EXOC4: variants seen among roughly 807,000 people sequenced by gnomAD.
EXOC4 encodes the protein exocyst complex component 4, also known as SEC8-like 1.
In EXOC4, 71 loss-of-function variants were observed where a neutral mutation model predicts 107.2. That is an observed-to-expected ratio of 0.66 (90% CI 0.55 to 0.81). The LOEUF is 0.81. EXOC4 is among the 30% of genes least tolerant of loss of function. The pLI, the probability that EXOC4 is intolerant of heterozygous loss-of-function variation, is 0.00. For missense variants in EXOC4, 1,108 were observed against 1,189.6 expected, an observed-to-expected ratio of 0.93 and a Z score of 1.01; for synonymous variants, 456 against 441.2, an observed-to-expected ratio of 1.03 and a Z score of -0.42.
At chr7:134,076,517 CAA>C in the EXOC4 span, among the ~76,000 whole-genome samples, 1 of 148,984 alleles carries the variant, frequency 6.7e-6, no homozygotes, top group Non-Finnish European at 1.5e-5. Context: ...GACTCTGTCT[CAA>C]AAAAAAAGAC....
chr7:133,885,532 G>C (rs959716227), intron 11 of EXOC4, among the ~76,000 whole-genome samples: 1 of 152,178 alleles, frequency 6.6e-6, no homozygotes, highest in South Asian at 2.1e-4. Context: ...CACAGTCACT[G>C]ATCAACAGGA....
chr7:133,807,680 A>G (rs1207631094), intron 10 of EXOC4, among the ~76,000 whole-genome samples: 1 of 152,214 alleles, frequency 6.6e-6, no homozygotes, highest in Non-Finnish European at 1.5e-5. Flanking sequence ...TTGGAAAAGC[A>G]GGATTATTAT....
At chr7:133,734,700 T>G (rs187619444) in intron 10 of EXOC4, among the ~76,000 whole-genome samples, 1 of 152,070 alleles carries the variant, frequency 6.6e-6, no homozygotes, top group Admixed American at 6.6e-5. Flanking sequence ...AAATGCTCAT[T>G]TGGAGTATTT....
intron 3 of EXOC4, among the ~76,000 whole-genome samples, chr7:133,304,241 A>G (rs955576051): frequency 7.4e-4 from 112 of 152,236 alleles, no homozygotes; most frequent in African/African-American, 2.5e-3. Context: ...TTTCTCTGCT[A>G]GAGACCTGAG....
intron 7 of EXOC4, among the ~76,000 whole-genome samples, chr7:133,378,036 C>T (rs932930532): frequency 7.9e-5 from 12 of 151,792 alleles, no homozygotes; most frequent in Admixed American, 2.6e-4. Context: ...TTCAGCCATG[C>T]GCGATGGCTC....
chr7:133,720,345 G>A (rs1795081925), intron 10 of EXOC4, among the ~76,000 whole-genome samples: 1 of 152,120 alleles, frequency 6.6e-6, no homozygotes, highest in Non-Finnish European at 1.5e-5. Flanking sequence ...AATTAAATCT[G>A]CTATATGTGC....
At chr7:133,935,097 A>G (rs1328742783) in intron 13 of EXOC4, among the ~76,000 whole-genome samples, 3 of 151,778 alleles carry the variant, frequency 2.0e-5, no homozygotes, top group African/African-American at 7.3e-5. Flanking sequence ...GGACTGCACT[A>G]TTGCTCCATG....
intron 9 of EXOC4, among the ~76,000 whole-genome samples, chr7:133,492,188 A>T (rs1229038309): frequency 1.3e-5 from 2 of 152,138 alleles, no homozygotes; most frequent in African/African-American, 2.4e-5. Flanking sequence ...AAGTTTTGTT[A>T]TTTCAGGTGA....
chr7:133,887,021 A>G (rs1050022772), intron 11 of EXOC4, among the ~76,000 whole-genome samples: 2 of 152,232 alleles, frequency 1.3e-5, no homozygotes, highest in African/African-American at 2.4e-5. Context: ...GTGTGTAATC[A>G]TATAGCATCA....
chr7:133,555,289 G>A (rs564088719), intron 9 of EXOC4, among the ~76,000 whole-genome samples: 50 of 152,214 alleles, frequency 3.3e-4, no homozygotes, highest in African/African-American at 9.1e-4. Context: ...GACATTTTAT[G>A]TTTCAACTTC....
At chr7:133,909,019 C>A (rs1305358727) in intron 12 of EXOC4, among the ~76,000 whole-genome samples, 3 of 152,110 alleles carry the variant, frequency 2.0e-5, no homozygotes, top group Admixed American at 6.5e-5. Flanking sequence ...CCCAGTGTGT[C>A]ATGTTCCCCT....
chr7:133,572,554 G>C (rs1042614459), intron 9 of EXOC4, among the ~76,000 whole-genome samples: 3 of 152,118 alleles, frequency 2.0e-5, no homozygotes, highest in African/African-American at 7.2e-5. Flanking sequence ...TAGTCTTCCT[G>C]TGTGTACAGG....
intron 9 of EXOC4, among the ~76,000 whole-genome samples, chr7:133,518,269 G>T (rs1215347835): frequency 1.3e-5 from 2 of 151,742 alleles, no homozygotes; most frequent in Admixed American, 1.3e-4. Context: ...CGCAGAGATG[G>T]TAAGAAATTT....
intron 10 of EXOC4, among the ~76,000 whole-genome samples, chr7:133,744,057 A>G (rs1795624774): frequency 6.6e-6 from 1 of 152,122 alleles, no homozygotes; most frequent in Admixed American, 6.6e-5. Context: ...CTTTACAACC[A>G]AATTATGTAC....
rs887404213 is a variant in EXOC4 at position 133,729,961 on chromosome 7, G to T, written c.1515-87364G>T. Among the ~76,000 whole-genome samples the T allele has an allele frequency of 2.0e-5, 3 of 151,794 alleles. No individual in the cohort carries two copies. In the East Asian group the frequency reaches 5.8e-4, roughly 29 times the overall value. ...TGGAAACCTCTCAGAGGAAGATAAA[G>T]TAATCGACCTTTAGAAATTAAATGT... On this transcript the variant is annotated intron_variant, in intron 10 of 17. Transcript: ENST00000253861.
chr7:133,606,578 A>G (rs556677273), intron 9 of EXOC4, among the ~76,000 whole-genome samples: 20 of 149,394 alleles, frequency 1.3e-4, no homozygotes, highest in Middle Eastern at 3.4e-3. Flanking sequence ...GCAGTGGTGC[A>G]TTCTCGGCTC....
chr7:133,375,235 G>C (rs1796463350), intron 7 of EXOC4, among the ~76,000 whole-genome samples: 2 of 152,114 alleles, frequency 1.3e-5, no homozygotes, highest in African/African-American at 2.4e-5. Flanking sequence ...CAGTACTTTG[G>C]GAGGCCAAGG....
chr7:133,478,033 A>G (rs1258612712), intron 8 of EXOC4, among the ~76,000 whole-genome samples: 1 of 152,186 alleles, frequency 6.6e-6, no homozygotes, highest in Non-Finnish European at 1.5e-5. Flanking sequence ...AATCAGGGCT[A>G]TGCCAGCAAG....
At chr7:134,073,801 T>C in the EXOC4 span, among the ~76,000 whole-genome samples, 2 of 152,112 alleles carry the variant, frequency 1.3e-5, no homozygotes, top group Non-Finnish European at 2.9e-5. Context: ...TTCCCCTCCT[T>C]CAGGTTGCAC....
Sources: allele counts gnomAD v4.1 joint callset (sites outside exome capture counted in the v4.1 genomes callset), GRCh38; gene constraint gnomAD v4.1.1; transcripts MANE v1.5; gene names NCBI Gene and HGNC (gene_info 2026-07-23, HGNC 2026-07-21).